PGAP3: variants seen among roughly 807,000 people sequenced by gnomAD.
PGAP3 encodes the protein GPI-specific phospholipase A2-like PGAP3.
Under a neutral mutation model 40.3 loss-of-function variants are expected in PGAP3, and 31 were observed. That is an observed-to-expected ratio of 0.77 (90% CI 0.58 to 1.04). The LOEUF (loss-of-function observed/expected upper bound fraction) is 1.04. Among genes scored for constraint, PGAP3 ranks in the 50% least tolerant of loss-of-function variants. The probability of loss-of-function intolerance (pLI) is 0.00; values close to 1 mark genes in which losing one functional copy is unlikely to be tolerated. For synonymous variants in PGAP3, 191 were observed against 184.5 expected (o/e 1.04, Z -0.29); for missense variants, 413 against 423.0 (o/e 0.98, Z 0.21).
Position 39,673,272 on chromosome 17 carries a change from G to A in PGAP3, c.695-17C>T, listed in dbSNP as rs1401373881. 2.5e-5 allele frequency: 39 copies of A among 1,555,750 alleles called. No homozygotes were observed. The highest frequency in any genetic ancestry group is 3.3e-5 in the Non-Finnish European group (38 of 1,150,320). ...TGACCAGGCCTGGGTGCCAGTGGGGGCAGGAGAGACTCATTCCTTCGGCTC... is the reference window on the plus strand; with the variant it reads ...TGACCAGGCCTGGGTGCCAGTGGGGACAGGAGAGACTCATTCCTTCGGCTC... On this transcript the variant is annotated splice_polypyrimidine_tract_variant and intron_variant, in intron 6 of 7. Coordinates refer to ENST00000300658, the MANE Select transcript of PGAP3 (RefSeq NM_033419.5).
At chr17:39,686,209 A>G (rs2057515281) in intron 1 of PGAP3, among the ~76,000 whole-genome samples, 190 bp from the exon 2 acceptor site, 1 of 152,202 alleles carries the variant, frequency 6.6e-6, no homozygotes, top group South Asian at 2.1e-4. Context: ...GGGAAGGTGT[A>G]TGTACGTATG....
chr17:39,680,900 G>T (rs2057431317), intron 3 of PGAP3, among the ~76,000 whole-genome samples: 2 of 151,694 alleles, frequency 1.3e-5, no homozygotes, highest in Non-Finnish European at 2.9e-5. Flanking sequence ...TGTCACCCGG[G>T]CTAGAGCAAC....
At chr17:39,678,706 A>G (rs1167208151) in intron 3 of PGAP3, among the ~76,000 whole-genome samples, 1 of 152,032 alleles carries the variant, frequency 6.6e-6, no homozygotes, top group African/African-American at 2.4e-5. Context: ...CCACTGCCGC[A>G]CCCTCCATAC....
In PGAP3 at chr17:39,687,915, G is replaced by A. The variant is rs767854862; in HGVS notation, c.100C>T (p.Leu34=). ...GAGCAGTTCTGCTCTTCGCACTGCAGTACGCAGTCGCGGTACACCGGCTCA... is the reference window on the plus strand; with the variant it reads ...GAGCAGTTCTGCTCTTCGCACTGCAATACGCAGTCGCGGTACACCGGCTCA... The part of the protein sequence containing the change: ...DREPVYRDCV[L]QCEEQNCSGG... Residue 34 remains leucine (L), a synonymous_variant, in exon 1 of 8, where the codon CTG becomes TTG. Transcript: ENST00000300658. The A allele has an allele frequency of 9.3e-6, 14 of 1,512,670 alleles. No individual in the cohort carries two copies. In the East Asian group the frequency reaches 3.6e-4, roughly 39 times the overall value. The allele number at this position is 1,512,670 out of a possible 1,614,324, so 93.7% of individuals were successfully genotyped here.
intron 1 of PGAP3, 84 bp from the exon 2 acceptor site, chr17:39,686,103 G>A: frequency 8.7e-7 from 1 of 1,144,420 alleles, no homozygotes; most frequent in South Asian, 1.3e-5. Flanking sequence ...CGCAAATGTA[G>A]GCCAAGAGGG....
At chr17:39,681,219 C>T (rs1160715937) in intron 3 of PGAP3, among the ~76,000 whole-genome samples, 1 of 152,134 alleles carries the variant, frequency 6.6e-6, no homozygotes, top group Non-Finnish European at 1.5e-5. Context: ...ACTGCTCTTT[C>T]CTCATCTAAT....
chr17:39,682,310 C>T (rs2057452501), intron 3 of PGAP3, among the ~76,000 whole-genome samples: 1 of 147,934 alleles, frequency 6.8e-6, no homozygotes, highest in South Asian at 2.2e-4. Context: ...TTTCCTGGTT[C>T]CCACCTTACA....
Position 39,685,982 on chromosome 17 carries a change from C to T in PGAP3, c.219G>A (p.Met73Ile), listed in dbSNP as rs768650794. Reference protein sequence around the residue: ...TCRDDCKYECMWVTVGLYLQE... With the variant: ...TCRDDCKYECIWVTVGLYLQE... ...GGAGGTAGAGCCCAACGGTGACCCA[C>T]ATACACTCATACTTACAGTCGTCCC... is the stretch of plus-strand genomic sequence containing the variant. The change falls in exon 2 of 8, where the codon ATG becomes ATA. Residue 73 changes from methionine (M) to isoleucine (I), a missense_variant. Transcript: ENST00000300658. The T allele has an allele frequency of 4.3e-6, 7 of 1,613,464 alleles. No individual in the cohort carries two copies. The highest frequency in any genetic ancestry group is 1.1e-5 in the South Asian group (1 of 91,074).
intron 3 of PGAP3, among the ~76,000 whole-genome samples, chr17:39,684,112 G>C (rs1184195064): frequency 8.4e-6 from 1 of 119,298 alleles, no homozygotes; most frequent in Admixed American, 1.0e-4. Context: ...GTGACACAGT[G>C]AGACTCTGTC....
rs2057318082 is a variant in PGAP3, at chr17:39,672,385, A to G, written c.*418T>C. ...TCCTGGAGGAGGGTGGGGGGTGGTA[A>G]CAGAAGGGGACCCCCTGTATCCCTA... is the stretch of plus-strand genomic sequence containing the variant. On this transcript the variant is annotated 3_prime_UTR_variant, in exon 8 of 8. Transcript: ENST00000300658. 2 of 220,432 alleles carry G rather than the reference A, an allele frequency of 9.1e-6. No homozygotes were observed. The highest frequency in any genetic ancestry group is 1.8e-5 in the Non-Finnish European group (2 of 110,262). The allele number at this position is 220,432 out of a possible 1,614,324, so 13.7% of individuals were successfully genotyped here.
rs748663861 is a variant in PGAP3 at position 39,673,145 on chromosome 17, G to A, written c.805C>T (p.Leu269Phe). Residue 269 changes from leucine to phenylalanine, a missense_variant, in exon 7 of 8, where the codon CTC (leucine) becomes TTC (phenylalanine). Physicochemically the swap from Leu to Phe is conservative, Grantham distance 22. Transcript: ENST00000300658. The part of the protein sequence containing the change: ...VVLLLQGLSL[L>F]ELLDFPPLFW... ...AGCGGTGGGAAGTCAAGCAGCTCGA[G>A]CAGGGACAGCCCCTGCAGCAGCAAG... 5.0e-6 allele frequency: 8 copies of A among 1,601,440 alleles called. No individual in the cohort carries two copies. The highest frequency in any genetic ancestry group is 2.3e-5 in the South Asian group (2 of 88,686).
intron 3 of PGAP3, 146 bp downstream of exon 3, chr17:39,684,451 G>A: frequency 9.7e-7 from 1 of 1,032,524 alleles, no homozygotes; most frequent in Non-Finnish European, 1.4e-6. Context: ...TTTCTCCCCA[G>A]GCTTTACCAC....
rs2057321208 is a variant in PGAP3 at position 39,672,637 on chromosome 17, G to A, written c.*166C>T. The A allele has an allele frequency of 1.4e-6, 1 of 722,232 alleles. No homozygotes were observed. Among genetic ancestry groups the A allele is most frequent in the Admixed American group, 2.3e-5 (1 of 44,314 alleles). 44.7% of individuals were successfully genotyped at this position (722,232 alleles called of 1,614,324 possible). ...TTCCCTAGAACAGACTCCAAGGCTG[G>A]TGAGGGCCAACAGGGGGTGGGCTGG... On this transcript the variant is annotated 3_prime_UTR_variant, in exon 8 of 8. Transcript: ENST00000300658.
intron 6 of PGAP3, 118 bp from the exon 7 acceptor site, chr17:39,673,373 C>T: frequency 1.9e-6 from 3 of 1,547,732 alleles, no homozygotes; most frequent in East Asian, 2.3e-5. Flanking sequence ...CCAGCCTCCT[C>T]TCTCTCCCAC....
chr17:39,683,240 T>A (rs903501), intron 3 of PGAP3, among the ~76,000 whole-genome samples: 1 of 151,872 alleles, frequency 6.6e-6, no homozygotes, highest in African/African-American at 2.4e-5. Flanking sequence ...CTGCCTGGAA[T>A]GACCCTCCCT....
intron 3 of PGAP3, among the ~76,000 whole-genome samples, chr17:39,683,390 C>T (rs1171210606): frequency 6.6e-6 from 1 of 152,236 alleles, no homozygotes; most frequent in Non-Finnish European, 1.5e-5. Context: ...CCTGATGGCC[C>T]CATGCTGGTC....
At chr17:39,675,021 A>T (rs938216694) in intron 3 of PGAP3, among the ~76,000 whole-genome samples, 2 of 133,826 alleles carry the variant, frequency 1.5e-5, no homozygotes, top group African/African-American at 5.4e-5. Context: ...TCCTCCTCCA[A>T]CCGGCAGGTG....
chr17:39,672,980 C>T (rs2057326033), intron 7 of PGAP3, 71 bp downstream of exon 7: 1 of 1,578,066 alleles, frequency 6.3e-7, no homozygotes, highest in Non-Finnish European at 8.6e-7. Flanking sequence ...CACAGAGCCC[C>T]CAATCTCCCC....
intron 1 of PGAP3, 99 bp downstream of exon 1, chr17:39,687,735 G>C (rs1356633576): frequency 2.1e-6 from 2 of 962,990 alleles, no homozygotes; most frequent in Non-Finnish European, 2.8e-6. Context: ...AAGAGACCTC[G>C]TGGGGAAACT....
Sources: gnomAD v4.1 joint callset for allele counts (sites outside exome capture counted in the v4.1 genomes callset) on GRCh38, gnomAD v4.1.1 for gene constraint, MANE v1.5 for transcripts, NCBI Gene and HGNC (gene_info 2026-07-23, HGNC 2026-07-21) for gene names.